ZSWIM6: variants seen among roughly 807,000 people sequenced by gnomAD.
ZSWIM6 encodes zinc finger SWIM-type containing 6, also known as zinc finger SWIM domain-containing protein 6.
A neutral mutation model predicts 113.2 loss-of-function variants in ZSWIM6; 9 were observed. That is an observed-to-expected ratio of 0.08 (90% confidence interval 0.05 to 0.14). ZSWIM6 has a LOEUF of 0.14. ZSWIM6 is among the 10% of genes least tolerant of loss of function. ZSWIM6 has a pLI of 1.00. For missense variants in ZSWIM6, 1,162 were observed against 1,552.2 expected, an observed-to-expected ratio of 0.75 and a Z score of 4.22; for synonymous variants, 611 against 606.5, an observed-to-expected ratio of 1.01 and a Z score of -0.11.
intron 1 of ZSWIM6, among the ~76,000 whole-genome samples, chr5:61,335,281 A>G (rs746235337): frequency 2.0e-5 from 3 of 152,262 alleles, no homozygotes; most frequent in Non-Finnish European, 2.9e-5. Context: ...AACAAGTGCT[A>G]TACAAATTGT....
intron 7 of ZSWIM6, among the ~76,000 whole-genome samples, chr5:61,528,138 C>G (rs1749334962): frequency 6.6e-6 from 1 of 151,988 alleles, no homozygotes; most frequent in Non-Finnish European, 1.5e-5. Flanking sequence ...TAAAAATAGG[C>G]TTTTCCATAG....
intron 1 of ZSWIM6, among the ~76,000 whole-genome samples, chr5:61,470,197 G>A (rs1747534120): frequency 6.6e-6 from 1 of 152,222 alleles, no homozygotes; most frequent in Non-Finnish European, 1.5e-5. Context: ...CAAAGACATT[G>A]AGTTGGTTGG....
Position 61,539,474 on chromosome 5 carries a change from A to G in ZSWIM6, c.2540-122A>G, listed in dbSNP as rs946393405. The G allele has an allele frequency of 6.8e-6, 8 of 1,177,540 alleles. No homozygotes were observed. The Admixed American group carries it at 2.0e-4, about 30-fold the overall frequency. The allele number at this position is 1,177,540 out of a possible 1,614,324, so 72.9% of individuals were successfully genotyped here. On this transcript the variant is annotated intron_variant, in intron 11 of 13. Coordinates refer to ENST00000252744, the MANE Select transcript of ZSWIM6 (RefSeq NM_020928.2). ...TGTTAGGTAAATTAACTTGTGCTTT[A>G]TGTTTTGTTTTGTTTCTTTTTTCCC...
intron 3 of ZSWIM6, 41 bp from the exon 4 acceptor site, chr5:61,494,219 C>A: frequency 1.3e-6 from 2 of 1,539,982 alleles, no homozygotes; most frequent in Non-Finnish European, 1.8e-6. Flanking sequence ...GTTGTGTTTT[C>A]GTTTTGAACA....
At chr5:61,446,265 C>G (rs1163524317) in intron 1 of ZSWIM6, among the ~76,000 whole-genome samples, 1 of 152,156 alleles carries the variant, frequency 6.6e-6, no homozygotes, top group East Asian at 1.9e-4. Flanking sequence ...CCTCATGATC[C>G]ACCTACTTCA....
chr5:61,476,199 T>A (rs541898155), intron 2 of ZSWIM6, among the ~76,000 whole-genome samples: 125 of 152,342 alleles, frequency 8.2e-4, no homozygotes, highest in African/African-American at 2.9e-3. Context: ...GTTGTTTTTC[T>A]TATTATTTTG....
At chr5:61,418,885 A>C (rs186858001) in intron 1 of ZSWIM6, among the ~76,000 whole-genome samples, 1 of 152,068 alleles carries the variant, frequency 6.6e-6, no homozygotes, top group East Asian at 1.9e-4. Context: ...GCAGTGGTGC[A>C]ATCTCGGCTC....
chr5:61,434,297 AG>A (rs1313542704), intron 1 of ZSWIM6, among the ~76,000 whole-genome samples: 2 of 151,136 alleles, frequency 1.3e-5, no homozygotes, highest in South Asian at 2.1e-4. Flanking sequence ...AGTTACTTAA[AG>A]TTTTTTTTAT....
intron 1 of ZSWIM6, among the ~76,000 whole-genome samples, chr5:61,340,763 G>C (rs1441456340): frequency 1.3e-5 from 2 of 152,282 alleles, no homozygotes; most frequent in East Asian, 3.9e-4. Flanking sequence ...AATGTAACTT[G>C]AACTCTTTGG....
rs574363917 is a variant in ZSWIM6 at position 61,469,850 on chromosome 5, A to G, written c.677-2831A>G. ...AGCTCCCCGAGTAGCTGGGACTACA[A>G]ATGCCTGCCCCCATGCCTGGCTGAT... is the stretch of plus-strand genomic sequence containing the variant. On this transcript the variant is annotated intron_variant, in intron 1 of 13. Transcript: ENST00000252744. Among the ~76,000 whole-genome samples, 1,015 of 152,068 alleles carry G rather than the reference A, an allele frequency of 6.7e-3. 4 individuals are homozygous for G. The highest frequency in any genetic ancestry group is 0.021 in the South Asian group (100 of 4,812).
At chr5:61,356,135 C>T (rs1173520708) in intron 1 of ZSWIM6, among the ~76,000 whole-genome samples, 1 of 152,186 alleles carries the variant, frequency 6.6e-6, no homozygotes, top group Non-Finnish European at 1.5e-5. Context: ...GAGCCTTGCT[C>T]TGTTGTCCAA....
At chr5:61,343,704 G>A (rs985906299) in intron 1 of ZSWIM6, among the ~76,000 whole-genome samples, 2 of 152,046 alleles carry the variant, frequency 1.3e-5, no homozygotes, top group Non-Finnish European at 2.9e-5. Flanking sequence ...TTTCTACAAA[G>A]AATATTGTGA....
At chr5:61,357,437 G>A (rs1442835976) in intron 1 of ZSWIM6, among the ~76,000 whole-genome samples, 1 of 152,068 alleles carries the variant, frequency 6.6e-6, no homozygotes, top group Non-Finnish European at 1.5e-5. Flanking sequence ...AGCCATGGAA[G>A]CAATGCAGCC....
At chr5:61,496,362 C>T (rs962707983) in intron 4 of ZSWIM6, among the ~76,000 whole-genome samples, 1 of 152,110 alleles carries the variant, frequency 6.6e-6, no homozygotes, top group Non-Finnish European at 1.5e-5. Flanking sequence ...AAGAATCTCA[C>T]GTAGAAGTAA....
chr5:61,451,749 T>G (rs1747090473), intron 1 of ZSWIM6, among the ~76,000 whole-genome samples: 1 of 152,172 alleles, frequency 6.6e-6, no homozygotes, highest in South Asian at 2.1e-4. Flanking sequence ...TGCATTGGTT[T>G]TTAGAAATTG....
chr5:61,334,700 T>TAAA (rs1022912498), intron 1 of ZSWIM6, among the ~76,000 whole-genome samples: 3 of 152,340 alleles, frequency 2.0e-5, no homozygotes, highest in Non-Finnish European at 4.4e-5. Context: ...AGAGGGGGTT[T>TAAA]AGCTTTTGAG....
chr5:61,472,190 T>C lies in ZSWIM6; in HGVS notation c.677-491T>C, dbSNP rs575326080. Among the ~76,000 whole-genome samples, 1 of 152,256 alleles carries C rather than the reference T, an allele frequency of 6.6e-6. No homozygotes were observed. The highest frequency in any genetic ancestry group is 2.4e-5 in the African/African-American group (1 of 41,548). ...AAGGGACTCCCTTAGAGTTGCAGTA[T>C]TGGTTGGTTGGAGCCAGCTAGTGGC... On this transcript the variant is annotated intron_variant, in intron 1 of 13. Coordinates refer to ENST00000252744, the MANE Select transcript of ZSWIM6 (RefSeq NM_020928.2). This position sits in a 1 kb window ranked among gnomAD's most constrained non-coding sequence, Gnocchi z 4.1.
At chr5:61,511,324 G>A (rs990726867) in intron 4 of ZSWIM6, among the ~76,000 whole-genome samples, 2 of 152,082 alleles carry the variant, frequency 1.3e-5, no homozygotes, top group African/African-American at 4.8e-5. Context: ...AAGCATCTGA[G>A]TTTTATGGAG....
chr5:61,423,135 A>G (rs1348509725), intron 1 of ZSWIM6, among the ~76,000 whole-genome samples: 5 of 152,116 alleles, frequency 3.3e-5, no homozygotes, highest in African/African-American at 1.2e-4. Flanking sequence ...GGCCAGGCGC[A>G]GTGGCTCACG....
Sources: allele counts gnomAD v4.1 joint callset (sites outside exome capture counted in the v4.1 genomes callset), GRCh38; gene constraint gnomAD v4.1.1; non-coding constraint Gnocchi (gnomAD v3.1); transcripts MANE v1.5; gene names NCBI Gene and HGNC (gene_info 2026-07-23, HGNC 2026-07-21).